Variants in CNTNAP2 observed in about 807,000 individuals in gnomAD.
CNTNAP2 encodes the protein contactin-associated protein-like 2.
A neutral mutation model predicts 155.2 loss-of-function variants in CNTNAP2; 98 were observed. The observed-to-expected ratio is 0.63, with a 90% CI of 0.54 to 0.75. CNTNAP2 has a LOEUF of 0.75. Among genes scored for constraint, CNTNAP2 ranks in the 30% least tolerant of loss-of-function variants. CNTNAP2 has a pLI of 0.00. For missense variants in CNTNAP2, 1,727 were observed against 1,688.1 expected (o/e 1.02, Z -0.40); for synonymous variants, 651 against 631.2 (o/e 1.03, Z -0.47).
intron 11 of CNTNAP2, among the ~76,000 whole-genome samples, chr7:147,535,936 G>A (rs1799530151): frequency 6.6e-6 from 1 of 152,188 alleles, no homozygotes; most frequent in Non-Finnish European, 1.5e-5. Context: ...TATATCAAGA[G>A]GCAGTCCTGG....
At chr7:147,812,145 A>G (rs1179084172) in intron 13 of CNTNAP2, among the ~76,000 whole-genome samples, 18 of 152,090 alleles carry the variant, frequency 1.2e-4, no homozygotes, top group Admixed American at 1.2e-3. Context: ...CCATGTGACT[A>G]TGTGGGGGAA....
At chr7:146,297,746 A>G (rs148170204) in intron 1 of CNTNAP2, among the ~76,000 whole-genome samples, 36 of 152,278 alleles carry the variant, frequency 2.4e-4, no homozygotes, top group African/African-American at 8.4e-4. Flanking sequence ...TTGTAGTGCT[A>G]TACTCATAAG....
At chr7:147,698,956 G>A (rs888984024) in intron 13 of CNTNAP2, among the ~76,000 whole-genome samples, 2 of 152,132 alleles carry the variant, frequency 1.3e-5, no homozygotes, top group Non-Finnish European at 2.9e-5. Flanking sequence ...AAGTGAAGGA[G>A]TGGGACAGAT....
intron 1 of CNTNAP2, among the ~76,000 whole-genome samples, chr7:146,641,199 G>C (rs779270744): frequency 6.6e-5 from 10 of 152,032 alleles, no homozygotes; most frequent in Admixed American, 1.3e-4. Context: ...TGGTGGCGGG[G>C]GCCTGTAGTC....
intron 20 of CNTNAP2, among the ~76,000 whole-genome samples, chr7:148,258,187 C>T (rs893107388): frequency 3.3e-5 from 5 of 152,194 alleles, no homozygotes; most frequent in Non-Finnish European, 5.9e-5. Context: ...GCCCACTGAT[C>T]AGTGTTTAAC....
chr7:148,310,857 A>C (rs1308099074), intron 21 of CNTNAP2, among the ~76,000 whole-genome samples: 1 of 152,120 alleles, frequency 6.6e-6, no homozygotes. Context: ...AACTGCGTAG[A>C]GGGGGAGGTT....
At position 146,665,788 on chromosome 7, in the gene CNTNAP2, A is replaced by AAAAAAAAACAAAAAAAAAAAAAAAC. The variant is rs1563179416; in HGVS notation, c.98-108475_98-108474insCAAAAAAAAAAAAAAACAAAAAAAA. 4.2e-4 allele frequency among the ~76,000 whole-genome samples: 59 copies of AAAAAAAAACAAAAAAAAAAAAAAAC among 142,106 alleles called. 5 individuals are homozygous for AAAAAAAAACAAAAAAAAAAAAAAAC. The highest frequency in any genetic ancestry group is 3.4e-3 in the Middle Eastern group (1 of 292). The allele number at this position is 142,106 out of a possible 152,430, so 93.2% of individuals were successfully genotyped here. On this transcript the variant is annotated intron_variant, in intron 1 of 23. Transcript: ENST00000361727. ...GGAGTGAGACTCTGTCTCATTAAAAAAAAAAAAAAATACATTTTGTAACTG... is the reference window on the plus strand; with the variant it reads ...GGAGTGAGACTCTGTCTCATTAAAAAAAAAAAAACAAAAAAAAAAAAAAACAAAAAAAAAATACATTTTGTAACTG...
chr7:146,187,473 G>T (rs1207574535), intron 1 of CNTNAP2, among the ~76,000 whole-genome samples: 1 of 152,154 alleles, frequency 6.6e-6, no homozygotes, highest in Non-Finnish European at 1.5e-5. Flanking sequence ...GAAAAATTCT[G>T]CAGAATCCAC....
intron 15 of CNTNAP2, among the ~76,000 whole-genome samples, chr7:147,980,727 A>G (rs928666504): frequency 6.0e-5 from 9 of 150,654 alleles, no homozygotes; most frequent in African/African-American, 2.2e-4. Context: ...GATCGAGACC[A>G]TCCTGGCTAA....
At chr7:148,351,769 G>GAAAAAAAAAAAAAA (rs1798431962) in intron 21 of CNTNAP2, among the ~76,000 whole-genome samples, 1 of 136,304 alleles carries the variant, frequency 7.3e-6, no homozygotes. Context: ...AATAGAAACC[G>GAAAAAAAAAAAAAA]AGACTCACAG....
At chr7:147,901,365 C>T (rs760158538) in intron 13 of CNTNAP2, among the ~76,000 whole-genome samples, 3 of 152,054 alleles carry the variant, frequency 2.0e-5, no homozygotes, top group South Asian at 4.1e-4. Flanking sequence ...AAAGTTCAAA[C>T]GTCTTAAATT....
rs145168731 is a variant in CNTNAP2, at chr7:148,009,569, A to G, written c.2383+31580A>G. Among the ~76,000 whole-genome samples, 185 of 152,284 alleles carry G rather than the reference A, an allele frequency of 1.2e-3. 1 individual carries two copies. The highest frequency in any genetic ancestry group is 4.2e-3 in the African/African-American group (174 of 41,586). On this transcript the variant is annotated intron_variant, in intron 15 of 23. Coordinates refer to ENST00000361727, the MANE Select transcript of CNTNAP2 (RefSeq NM_014141.6). ...TTGGGAGACTGGTATATTTACCTAT[A>G]CTATAGTAACTGAAATTTATGCATA...
intron 4 of CNTNAP2, among the ~76,000 whole-genome samples, chr7:147,092,868 G>A (rs1458438648): frequency 6.6e-6 from 1 of 152,086 alleles, no homozygotes; most frequent in African/African-American, 2.4e-5. Flanking sequence ...ATGAGTGATT[G>A]GCCTTTGTAT....
In CNTNAP2 at chr7:146,746,642, T is replaced by C. The variant is rs1004235708; in HGVS notation, c.98-27629T>C. Among the ~76,000 whole-genome samples the C allele has an allele frequency of 5.9e-5, 9 of 152,282 alleles. No individual in the cohort carries two copies. In the East Asian group the frequency reaches 1.7e-3, roughly 29 times the overall value. ...ACAATGATGAATAATTTTGCACATT[T>C]ACTTTTAGTATCTTCCCCCTATGAA... is the stretch of plus-strand genomic sequence containing the variant. On this transcript the variant is annotated intron_variant, in intron 1 of 23. Coordinates refer to ENST00000361727, the MANE Select transcript of CNTNAP2 (RefSeq NM_014141.6).
At chr7:146,657,650 GT>G (rs777396119) in intron 1 of CNTNAP2, among the ~76,000 whole-genome samples, 1 of 151,850 alleles carries the variant, frequency 6.6e-6, no homozygotes, top group Non-Finnish European at 1.5e-5. Flanking sequence ...TAAACTACTA[GT>G]TTTTTGCCAT....
At chr7:147,560,739 G>A (rs1800047449) in intron 11 of CNTNAP2, among the ~76,000 whole-genome samples, 1 of 151,064 alleles carries the variant, frequency 6.6e-6, no homozygotes, top group South Asian at 2.1e-4. Flanking sequence ...ATGTGCAAAG[G>A]GAGGAAATGA....
intron 3 of CNTNAP2, among the ~76,000 whole-genome samples, chr7:146,872,230 T>C (rs1795325891): frequency 6.7e-6 from 1 of 148,842 alleles, no homozygotes. Flanking sequence ...TCCACCTGTA[T>C]GAAAACAGAT....
chr7:148,106,294 T>C (rs1465660303), intron 15 of CNTNAP2, among the ~76,000 whole-genome samples: 1 of 152,142 alleles, frequency 6.6e-6, no homozygotes, highest in Non-Finnish European at 1.5e-5. Context: ...TGATGATTTA[T>C]ACTGAAGATC....
At chr7:148,212,186 C>T (rs1431220915) in intron 18 of CNTNAP2, among the ~76,000 whole-genome samples, 1 of 150,566 alleles carries the variant, frequency 6.6e-6, no homozygotes, top group Non-Finnish European at 1.5e-5. Flanking sequence ...TTTGGTTAAA[C>T]AAGGAGATAA....
Sources: allele counts gnomAD v4.1 joint callset (sites outside exome capture counted in the v4.1 genomes callset), GRCh38; gene constraint gnomAD v4.1.1; transcripts MANE v1.5; gene names NCBI Gene and HGNC (gene_info 2026-07-23, HGNC 2026-07-21).